IFT56: variants seen among roughly 807,000 people sequenced by gnomAD.
IFT56 encodes the protein intraflagellar transport protein 56.
At chr7:139,177,916 T>C in the IFT56 span, among the ~76,000 whole-genome samples, 1 of 152,100 alleles carries the variant, frequency 6.6e-6, no homozygotes, top group Non-Finnish European at 1.5e-5. Flanking sequence ...ACATGTTGGA[T>C]GAGAGCATCA....
At chr7:139,176,295 T>C in the IFT56 span, among the ~76,000 whole-genome samples, 2 of 152,136 alleles carry the variant, frequency 1.3e-5, no homozygotes, top group Non-Finnish European at 2.9e-5. Context: ...ATTGTATGCC[T>C]GTATCAAAAT....
the IFT56 span, among the ~76,000 whole-genome samples, chr7:139,156,283 C>G: frequency 6.6e-6 from 1 of 152,032 alleles, no homozygotes; most frequent in African/African-American, 2.4e-5. Flanking sequence ...TTTCAAGGAA[C>G]CGGCTTCTGG....
the IFT56 span, among the ~76,000 whole-genome samples, chr7:139,159,254 T>C: frequency 6.6e-6 from 1 of 152,332 alleles, no homozygotes; most frequent in East Asian, 1.9e-4. Flanking sequence ...ATTACCTAAT[T>C]CAGTTCCTTT....
At chr7:139,161,071 G>C in the IFT56 span, 1 of 1,497,526 alleles carries the variant, frequency 6.7e-7, no homozygotes, top group Non-Finnish European at 9.2e-7. Context: ...ACTCTGCTTT[G>C]GTACATCACA....
chr7:139,189,663 C>T, the IFT56 span: 10 of 318,048 alleles, frequency 3.1e-5, no homozygotes, highest in Non-Finnish European at 5.3e-5. Flanking sequence ...TTGGACTTAT[C>T]TGGTGCCTTT....
the IFT56 span, among the ~76,000 whole-genome samples, chr7:139,171,908 T>C: frequency 6.6e-6 from 1 of 152,152 alleles, no homozygotes; most frequent in African/African-American, 2.4e-5. Flanking sequence ...AGTATAGCTG[T>C]AAAATCTCAA....
At chr7:139,159,980 C>T in the IFT56 span, among the ~76,000 whole-genome samples, 9 of 151,888 alleles carry the variant, frequency 5.9e-5, no homozygotes, top group African/African-American at 1.2e-4. Flanking sequence ...GGCTATTTCC[C>T]GCATAAACAA....
the IFT56 span, chr7:139,137,905 C>T: frequency 6.2e-7 from 1 of 1,613,276 alleles, no homozygotes; most frequent in Non-Finnish European, 8.5e-7. Context: ...GGATATTGTG[C>T]CTTTCACCTG....
chr7:139,151,373 AAAAAT>A, the IFT56 span, among the ~76,000 whole-genome samples: 3 of 152,198 alleles, frequency 2.0e-5, no homozygotes, highest in African/African-American at 7.2e-5. Context: ...AGTGGTTTAA[AAAAAT>A]AAAATAAAAA....
At chr7:139,149,571 CA>C in the IFT56 span, among the ~76,000 whole-genome samples, 2 of 152,048 alleles carry the variant, frequency 1.3e-5, no homozygotes, top group Non-Finnish European at 2.9e-5. Context: ...GCTTTGTGTG[CA>C]ACATTCTCAC....
chr7:139,172,896 C>T, the IFT56 span: 5 of 704,844 alleles, frequency 7.1e-6, no homozygotes, highest in African/African-American at 1.8e-5. Context: ...ATCTGCTATG[C>T]ACGGGTGTCT....
the IFT56 span, among the ~76,000 whole-genome samples, chr7:139,180,092 C>T: frequency 6.6e-6 from 1 of 151,454 alleles, no homozygotes; most frequent in Admixed American, 6.6e-5. Flanking sequence ...AATCCCAGCA[C>T]TTTGGGAGGC....
chr7:139,165,540 T>C, the IFT56 span, among the ~76,000 whole-genome samples: 1 of 152,202 alleles, frequency 6.6e-6, no homozygotes, highest in Non-Finnish European at 1.5e-5. Flanking sequence ...AGTTCTTTTT[T>C]CTTTTTCTAG....
the IFT56 span, among the ~76,000 whole-genome samples, chr7:139,151,141 A>G: frequency 0.035 from 5,400 of 152,308 alleles, 143 homozygotes; most frequent in South Asian, 0.12. Flanking sequence ...AGGAGGAGAT[A>G]CAAAAGGTCA....
At chr7:139,159,207 C>T in the IFT56 span, among the ~76,000 whole-genome samples, 7 of 152,084 alleles carry the variant, frequency 4.6e-5, no homozygotes, top group Admixed American at 4.6e-4. Context: ...TTTGGTAGAA[C>T]TTATTGACAA....
At chr7:139,154,086 T>C in the IFT56 span, among the ~76,000 whole-genome samples, 5 of 152,344 alleles carry the variant, frequency 3.3e-5, no homozygotes, top group African/African-American at 1.2e-4. Context: ...TGATGACTAA[T>C]GATGTTGAGC....
chr7:139,140,050 T>C, the IFT56 span: 2 of 1,301,670 alleles, frequency 1.5e-6, no homozygotes, highest in Admixed American at 4.7e-5. Flanking sequence ...TAGTTAAGAG[T>C]TGTTTTGAAG....
the IFT56 span, among the ~76,000 whole-genome samples, chr7:139,151,693 TAA>T: frequency 6.6e-6 from 1 of 152,362 alleles, no homozygotes; most frequent in East Asian, 1.9e-4. Context: ...TTGTAATTAT[TAA>T]AGATTTTGTA....
At chr7:139,164,188 A>G in the IFT56 span, among the ~76,000 whole-genome samples, 3 of 152,220 alleles carry the variant, frequency 2.0e-5, no homozygotes, top group African/African-American at 7.2e-5. Flanking sequence ...AGTAGTGGGC[A>G]TATAGTACAT....
Sources: gnomAD v4.1 joint callset for allele counts (sites outside exome capture counted in the v4.1 genomes callset) on GRCh38, gnomAD v4.1.1 for gene constraint, MANE v1.5 for transcripts, NCBI Gene and HGNC (gene_info 2026-07-23, HGNC 2026-07-21) for gene names.